AGBL4: variants seen among roughly 807,000 people sequenced by gnomAD.
The protein encoded by AGBL4 is AGBL carboxypeptidase 4.
AGBL4 carries 58 observed loss-of-function variants against 66.4 expected under a neutral mutation model. The observed-to-expected ratio is 0.87, with a 90% CI of 0.71 to 1.09. The LOEUF (loss-of-function observed/expected upper bound fraction) is 1.09. Ranked by LOEUF, AGBL4 falls within the 50% of genes least tolerant of loss-of-function variation. AGBL4 has a pLI of 0.00. For missense variants in AGBL4, 579 were observed against 631.0 expected (o/e 0.92, Z 0.88); for synonymous variants, 234 against 222.9 (o/e 1.05, Z -0.44).
chr1:49,585,584 T>G (rs1371138230), intron 3 of AGBL4, among the ~76,000 whole-genome samples: 1 of 152,046 alleles, frequency 6.6e-6, no homozygotes, highest in Non-Finnish European at 1.5e-5. Context: ...TAGTCAACCC[T>G]CCAGATAAGA....
At chr1:49,549,519 C>A (rs563563614) in intron 3 of AGBL4, among the ~76,000 whole-genome samples, 1 of 152,146 alleles carries the variant, frequency 6.6e-6, no homozygotes, top group South Asian at 2.1e-4. Flanking sequence ...TTAATCTCCA[C>A]CTTGATTTTG....
At chr1:49,334,538 G>A (rs545499524) in intron 3 of AGBL4, among the ~76,000 whole-genome samples, 1 of 152,106 alleles carries the variant, frequency 6.6e-6, no homozygotes, top group Non-Finnish European at 1.5e-5. Context: ...CAGCTAATCC[G>A]AGTGTTAGCA....
chr1:49,058,900 G>A (rs923033985), intron 4 of AGBL4, among the ~76,000 whole-genome samples: 1 of 152,196 alleles, frequency 6.6e-6, no homozygotes, highest in Non-Finnish European at 1.5e-5. Context: ...GAACTTGAGA[G>A]AGATGATTTA....
chr1:48,542,890 G>T (rs537000348), intron 11 of AGBL4, among the ~76,000 whole-genome samples: 1 of 152,308 alleles, frequency 6.6e-6, no homozygotes, highest in African/African-American at 2.4e-5. Flanking sequence ...TGCTTTTGGT[G>T]TTTCAGTCAT....
intron 3 of AGBL4, among the ~76,000 whole-genome samples, chr1:49,247,548 C>T (rs962554646): frequency 3.4e-4 from 51 of 152,090 alleles, no homozygotes; most frequent in African/African-American, 1.2e-3. Context: ...ATTGAGGGGA[C>T]AAATGGCCTT....
intron 2 of AGBL4, among the ~76,000 whole-genome samples, chr1:49,700,007 T>C (rs1482441186): frequency 6.6e-6 from 1 of 151,740 alleles, no homozygotes; most frequent in Non-Finnish European, 1.5e-5. Context: ...ATGTTCTACA[T>C]CTTATATATA....
chr1:49,823,737 A>AC (rs1482214913), intron 2 of AGBL4, among the ~76,000 whole-genome samples: 1 of 151,020 alleles, frequency 6.6e-6, no homozygotes, highest in Non-Finnish European at 1.5e-5. Flanking sequence ...TCACTTCTGC[A>AC]ATTTTTAAAG....
intron 6 of AGBL4, among the ~76,000 whole-genome samples, chr1:48,807,214 T>C (rs191323802): frequency 2.0e-5 from 3 of 152,304 alleles, no homozygotes; most frequent in African/African-American, 7.2e-5. Flanking sequence ...GTGGTACCTT[T>C]TTGAGCATCC....
At chr1:49,128,530 G>A (rs113110880) in intron 4 of AGBL4, among the ~76,000 whole-genome samples, 1 of 151,888 alleles carries the variant, frequency 6.6e-6, no homozygotes, top group African/African-American at 2.4e-5. Context: ...GAACAGAGTC[G>A]AGCTCAGAAA....
chr1:49,442,048 A>G (rs12731743), intron 3 of AGBL4, among the ~76,000 whole-genome samples: 62,075 of 151,608 alleles, frequency 0.41, 16,121 homozygotes, highest in Non-Finnish European at 0.58. Flanking sequence ...TCAGCCAGCT[A>G]CCTGGTAGCA....
At chr1:48,911,684 T>C (rs12116615) in intron 5 of AGBL4, among the ~76,000 whole-genome samples, 12,074 of 151,074 alleles carry the variant, frequency 0.08, 654 homozygotes, top group East Asian at 0.17. Context: ...AAACAGGAGA[T>C]TGCATGACAG....
intron 6 of AGBL4, among the ~76,000 whole-genome samples, chr1:48,709,617 T>TA (rs55900245): frequency 6.7e-6 from 1 of 148,714 alleles, no homozygotes; most frequent in African/African-American, 2.5e-5. Flanking sequence ...TTATTATTAT[T>TA]TTGAGATGGA....
At chr1:49,751,098 G>T (rs1248299473) in intron 2 of AGBL4, among the ~76,000 whole-genome samples, 2 of 152,088 alleles carry the variant, frequency 1.3e-5, no homozygotes, top group Admixed American at 6.6e-5. Flanking sequence ...TTGTGTGATT[G>T]CTCTGGCCAG....
chr1:49,209,994 T>A (rs1648542888), intron 4 of AGBL4, among the ~76,000 whole-genome samples: 1 of 152,050 alleles, frequency 6.6e-6, no homozygotes, highest in African/African-American at 2.4e-5. Context: ...AATAAATAGC[T>A]ATTAAACAAA....
intron 4 of AGBL4, among the ~76,000 whole-genome samples, chr1:49,085,949 T>C (rs1644899685): frequency 1.3e-5 from 2 of 152,252 alleles, no homozygotes; most frequent in South Asian, 4.1e-4. Context: ...ATCACCCCAG[T>C]AGAGGCTGCA....
intron 3 of AGBL4, among the ~76,000 whole-genome samples, chr1:49,295,810 C>A (rs989451048): frequency 6.6e-6 from 1 of 152,158 alleles, no homozygotes; most frequent in African/African-American, 2.4e-5. Context: ...GAGATTTTAG[C>A]AGTTCACCTA....
At chr1:49,923,437 G>T (rs1652464915) in intron 1 of AGBL4, among the ~76,000 whole-genome samples, 1 of 151,544 alleles carries the variant, frequency 6.6e-6, no homozygotes, top group South Asian at 2.1e-4. Context: ...ATGTGATGAT[G>T]GTGACAAAAT....
rs1395811983 is a variant in AGBL4, at chr1:48,751,464, A to G, written c.635-88223T>C. 4.6e-5 allele frequency among the ~76,000 whole-genome samples: 7 copies of G among 152,088 alleles called. No homozygotes were observed. The South Asian group carries it at 1.0e-3, about 23-fold the overall frequency. On this transcript the variant is annotated intron_variant, in intron 6 of 13. Coordinates refer to ENST00000371839, the MANE Select transcript of AGBL4 (RefSeq NM_032785.4). ...GGCCTCAGTTTTGAAACCTGGTTCT[A>G]CCCTTTCCTGGGTGTGTGGCCTCAG...
intron 12 of AGBL4, among the ~76,000 whole-genome samples, chr1:48,537,830 A>G (rs1643998244): frequency 6.6e-6 from 1 of 152,214 alleles, no homozygotes; most frequent in East Asian, 1.9e-4. Flanking sequence ...AAGAACTTTA[A>G]CCAATCACGA....
Sources: gnomAD v4.1 joint callset for allele counts (sites outside exome capture counted in the v4.1 genomes callset) on GRCh38, gnomAD v4.1.1 for gene constraint, MANE v1.5 for transcripts, NCBI Gene and HGNC (gene_info 2026-07-23, HGNC 2026-07-21) for gene names.